The following FNDC3B variants were observed in gnomAD, a reference collection of about 807,000 sequenced individuals.
FNDC3B encodes fibronectin type III domain containing 3B.
Under a neutral mutation model 151.5 loss-of-function variants are expected in FNDC3B, and 12 were observed. The observed-to-expected ratio is 0.08, with a 90% confidence interval of 0.05 to 0.13. The LOEUF (loss-of-function observed/expected upper bound fraction) is 0.13. Ranked by LOEUF, FNDC3B falls within the 10% of genes least tolerant of loss-of-function variation. FNDC3B has a pLI of 1.00. For missense variants in FNDC3B, 1,214 were observed against 1,505.3 expected, an observed-to-expected ratio of 0.81 and a Z score of 3.20; for synonymous variants, 528 against 549.0, an observed-to-expected ratio of 0.96 and a Z score of 0.54.
intron 16 of FNDC3B, among the ~76,000 whole-genome samples, chr3:172,339,890 C>G (rs896932019): frequency 6.6e-6 from 1 of 152,214 alleles, no homozygotes; most frequent in African/African-American, 2.4e-5. Flanking sequence ...TGCCTTTCTT[C>G]ATATGGCCTT....
chr3:172,287,916 T>G (rs73031329), intron 7 of FNDC3B, among the ~76,000 whole-genome samples: 1,546 of 152,322 alleles, frequency 0.01, 32 homozygotes, highest in African/African-American at 0.035. Context: ...TGAGAACTTT[T>G]GCCTGTATCA....
intron 3 of FNDC3B, among the ~76,000 whole-genome samples, chr3:172,200,186 C>A (rs1302778540): frequency 1.3e-5 from 2 of 152,186 alleles, no homozygotes; most frequent in African/African-American, 2.4e-5. Context: ...ACAGTTTAGA[C>A]ACACCAGTGC....
chr3:172,266,321 C>T (rs114013538), intron 6 of FNDC3B, among the ~76,000 whole-genome samples: 2,458 of 152,232 alleles, frequency 0.016, 41 homozygotes, highest in Non-Finnish European at 0.02. Context: ...AACAAATCAG[C>T]ACACACAAAG....
rs753474526 is a variant in FNDC3B at position 172,295,462 on chromosome 3, G to A, written c.949G>A (p.Glu317Lys). Residue 317 changes from glutamate (E) to lysine (K), a missense_variant, in exon 8 of 26, where the codon GAG becomes AAG. This residue lies in a region of FNDC3B where 156 missense variants were observed against 225.3 expected (regional missense o/e 0.69). Coordinates refer to ENST00000415807, the MANE Select transcript of FNDC3B (RefSeq NM_022763.4). The part of the protein sequence containing the change: ...HSGLSFPYSY[E>K]VALSDKGRDG... ...TGGTCTTTCCTTCCCCTACAGTTAC[G>A]AGGTGGCCTTATCAGACAAAGGACG... 26 of 1,613,902 alleles carry A rather than the reference G, an allele frequency of 1.6e-5. No homozygotes were observed. Among genetic ancestry groups the A allele is most frequent in the South Asian group, 2.2e-5 (2 of 91,086 alleles).
intron 2 of FNDC3B, among the ~76,000 whole-genome samples, chr3:172,119,918 T>C (rs1720450688): frequency 6.6e-6 from 1 of 152,186 alleles, no homozygotes; most frequent in Admixed American, 6.5e-5. Flanking sequence ...TTTGAGGGCC[T>C]CCTTTTAACT....
intron 13 of FNDC3B, among the ~76,000 whole-genome samples, chr3:172,331,242 G>A (rs998030741): frequency 8.5e-5 from 13 of 152,130 alleles, no homozygotes; most frequent in African/African-American, 2.7e-4. Context: ...CTCTTTTTCA[G>A]AGTAAAATCC....
At chr3:172,326,407 T>C (rs1732344854) in intron 11 of FNDC3B, among the ~76,000 whole-genome samples, 1 of 152,230 alleles carries the variant, frequency 6.6e-6, no homozygotes, top group Non-Finnish European at 1.5e-5. Flanking sequence ...TAGTAGTACA[T>C]CCTGGAAGTT....
intron 5 of FNDC3B, among the ~76,000 whole-genome samples, 191 bp from the exon 6 acceptor site, chr3:172,251,069 C>T (rs1408876127): frequency 2.0e-5 from 3 of 152,118 alleles, no homozygotes; most frequent in Non-Finnish European, 4.4e-5. Flanking sequence ...CCGCCCACCT[C>T]GGCCTCCCAA....
At chr3:172,159,248 C>A (rs1367686154) in intron 3 of FNDC3B, among the ~76,000 whole-genome samples, 1 of 152,204 alleles carries the variant, frequency 6.6e-6, no homozygotes, top group East Asian at 1.9e-4. Flanking sequence ...CATTGCACTC[C>A]AGCCTGGGCA....
chr3:172,222,460 A>T (rs1726324139), intron 3 of FNDC3B, among the ~76,000 whole-genome samples: 1 of 152,222 alleles, frequency 6.6e-6, no homozygotes, highest in Non-Finnish European at 1.5e-5. Flanking sequence ...TGTTGTGAAG[A>T]TAGCATCTGA....
intron 3 of FNDC3B, among the ~76,000 whole-genome samples, chr3:172,219,552 T>C (rs1213777380): frequency 2.0e-5 from 3 of 152,238 alleles, no homozygotes; most frequent in African/African-American, 7.2e-5. Context: ...TACCTCTGTT[T>C]CCAAAACGTT....
intron 3 of FNDC3B, among the ~76,000 whole-genome samples, chr3:172,136,498 G>A (rs1326296324): frequency 2.0e-5 from 3 of 152,072 alleles, no homozygotes; most frequent in Non-Finnish European, 4.4e-5. Flanking sequence ...TTGTTGATTG[G>A]GGCCAGGGAG....
chr3:172,326,612 T>A (rs1366295933), intron 11 of FNDC3B, among the ~76,000 whole-genome samples: 1 of 152,178 alleles, frequency 6.6e-6, no homozygotes. Context: ...AGAATTTTTT[T>A]AAATGTTAGC....
chr3:172,379,031 G>A (rs1158970186), intron 24 of FNDC3B, among the ~76,000 whole-genome samples: 5 of 152,192 alleles, frequency 3.3e-5, no homozygotes, highest in Non-Finnish European at 5.9e-5. Context: ...ATCTCTCGAA[G>A]CTAGTGAACA....
At chr3:172,157,969 G>A (rs1722579853) in intron 3 of FNDC3B, among the ~76,000 whole-genome samples, 1 of 152,144 alleles carries the variant, frequency 6.6e-6, no homozygotes, top group Non-Finnish European at 1.5e-5. Context: ...TTATTAATGG[G>A]ATTAGTGCCA....
At chr3:172,197,565 A>G (rs945439587) in intron 3 of FNDC3B, among the ~76,000 whole-genome samples, 2 of 152,180 alleles carry the variant, frequency 1.3e-5, no homozygotes, top group African/African-American at 4.8e-5. Flanking sequence ...TTATAGCACA[A>G]GGATTCAGTT....
chr3:172,308,335 C>G (rs1294107555), intron 10 of FNDC3B, among the ~76,000 whole-genome samples: 1 of 152,142 alleles, frequency 6.6e-6, no homozygotes, highest in Non-Finnish European at 1.5e-5. Flanking sequence ...TGTGAGAAAA[C>G]AGTAGATTGT....
At chr3:172,137,455 AG>A (rs1478383015) in intron 3 of FNDC3B, among the ~76,000 whole-genome samples, 3 of 152,184 alleles carry the variant, frequency 2.0e-5, no homozygotes, top group Admixed American at 1.3e-4. Flanking sequence ...CAGGAGTTAA[AG>A]ACTAGCCTGG....
At chr3:172,130,543 T>A (rs938638491) in intron 2 of FNDC3B, among the ~76,000 whole-genome samples, 1 of 152,164 alleles carries the variant, frequency 6.6e-6, no homozygotes, top group African/African-American at 2.4e-5. Context: ...AAGGTATAAG[T>A]GGACCTTAGA....
Sources: allele counts gnomAD v4.1 joint callset (sites outside exome capture counted in the v4.1 genomes callset), GRCh38; gene constraint gnomAD v4.1.1; regional missense constraint gnomAD v4.1.1; transcripts MANE v1.5; gene names NCBI Gene and HGNC (gene_info 2026-07-23, HGNC 2026-07-21).